Variants in SYN3 observed in about 807,000 individuals in gnomAD.
The protein encoded by SYN3 is synapsin-3.
A neutral mutation model predicts 65.8 loss-of-function variants in SYN3; 35 were observed. That is an observed-to-expected ratio of 0.53 (90% CI 0.41 to 0.70). SYN3 has a LOEUF of 0.70. Among genes scored for constraint, SYN3 ranks in the 30% least tolerant of loss-of-function variants. SYN3 has a pLI of 0.00. For synonymous variants in SYN3, 270 were observed against 292.9 expected (o/e 0.92, Z 0.80); for missense variants, 680 against 749.0 (o/e 0.91, Z 1.08).
intron 1 of SYN3, among the ~76,000 whole-genome samples, chr22:33,016,855 G>C (rs1024714260): frequency 1.3e-5 from 2 of 151,838 alleles, no homozygotes; most frequent in African/African-American, 4.8e-5. Context: ...TCTCTGGGTT[G>C]CATCTTTATT....
chr22:32,585,253 C>G (rs1056439072), intron 7 of SYN3, among the ~76,000 whole-genome samples: 2 of 152,152 alleles, frequency 1.3e-5, no homozygotes, highest in African/African-American at 4.8e-5. Flanking sequence ...GAAGCAGAGG[C>G]CCAGGGAAGT....
At chr22:32,694,471 TA>T (rs1472643298) in intron 6 of SYN3, among the ~76,000 whole-genome samples, 1 of 152,226 alleles carries the variant, frequency 6.6e-6, no homozygotes, top group African/African-American at 2.4e-5. Flanking sequence ...AAATTGATAA[TA>T]TTGATACAGT....
chr22:32,699,031 C>G (rs1427589284), intron 6 of SYN3, among the ~76,000 whole-genome samples: 1 of 152,224 alleles, frequency 6.6e-6, no homozygotes, highest in Non-Finnish European at 1.5e-5. Flanking sequence ...AACATCTGGA[C>G]TTACTCTCCA....
intron 6 of SYN3, among the ~76,000 whole-genome samples, chr22:32,675,530 C>CA (rs1425825422): frequency 6.6e-6 from 1 of 152,138 alleles, no homozygotes; most frequent in East Asian, 1.9e-4. Flanking sequence ...ATGCTGGAGA[C>CA]GTTATTAAAA....
intron 6 of SYN3, among the ~76,000 whole-genome samples, chr22:32,759,077 C>G (rs1411465125): frequency 6.6e-6 from 1 of 152,116 alleles, no homozygotes; most frequent in Non-Finnish European, 1.5e-5. Context: ...CAATATCTCT[C>G]TAAGTTCTTT....
intron 6 of SYN3, among the ~76,000 whole-genome samples, chr22:32,685,266 ACTT>A (rs1296920398): frequency 6.9e-6 from 1 of 145,760 alleles, no homozygotes; most frequent in Non-Finnish European, 1.5e-5. Flanking sequence ...TACCTGGAAA[ACTT>A]CTTCAAGGAG....
chr22:32,532,518 G>T (rs1303861474), intron 10 of SYN3, among the ~76,000 whole-genome samples: 7 of 152,304 alleles, frequency 4.6e-5, no homozygotes, highest in Non-Finnish European at 4.4e-5. Context: ...TCCAGAGTGG[G>T]ACTAGGTCTG....
chr22:32,674,840 C>G (rs370405648), intron 6 of SYN3, among the ~76,000 whole-genome samples: 3 of 152,190 alleles, frequency 2.0e-5, no homozygotes, highest in Non-Finnish European at 4.4e-5. Flanking sequence ...TAGATTGATA[C>G]GTTAACGTGT....
At chr22:32,805,088 T>C (rs1450306704) in intron 6 of SYN3, among the ~76,000 whole-genome samples, 2 of 152,130 alleles carry the variant, frequency 1.3e-5, no homozygotes, top group Admixed American at 6.5e-5. Flanking sequence ...TGAGGGGGGT[T>C]GCAGCAGAGA....
chr22:32,942,553 A>G (rs1311637932), intron 3 of SYN3, among the ~76,000 whole-genome samples: 2 of 152,236 alleles, frequency 1.3e-5, no homozygotes, highest in Non-Finnish European at 2.9e-5. Flanking sequence ...TCTCCTCCAA[A>G]GGAACGCAGC....
Position 33,045,354 on chromosome 22 carries a change from C to G in SYN3, c.-163+12938G>C, listed in dbSNP as rs144695798. ...AGCCACTTGAGGATAGAAACCTTGCCTGATTTATATTTAAATTCTCAACAT... is the reference window on the plus strand; with the variant it reads ...AGCCACTTGAGGATAGAAACCTTGCGTGATTTATATTTAAATTCTCAACAT... On this transcript the variant is annotated intron_variant, in intron 1 of 13. Coordinates refer to ENST00000358763, the MANE Select transcript of SYN3 (RefSeq NM_003490.4). Among the ~76,000 whole-genome samples, 420 of 151,974 alleles carry G rather than the reference C, an allele frequency of 2.8e-3. 5 individuals are homozygous for G. The highest frequency in any genetic ancestry group is 9.8e-3 in the African/African-American group (407 of 41,456).
intron 7 of SYN3, among the ~76,000 whole-genome samples, chr22:32,563,944 C>G (rs991584545): frequency 6.6e-6 from 1 of 152,158 alleles, no homozygotes; most frequent in Non-Finnish European, 1.5e-5. Context: ...GCTGGGATTA[C>G]AGGCATGAGC....
intron 12 of SYN3, among the ~76,000 whole-genome samples, chr22:32,521,604 G>A (rs1452854153): frequency 6.6e-6 from 1 of 151,788 alleles, no homozygotes; most frequent in Non-Finnish European, 1.5e-5. Flanking sequence ...CCGCCACCAC[G>A]CCCAGCTAAT....
At chr22:32,517,211 C>T (rs1021348688) in intron 13 of SYN3, among the ~76,000 whole-genome samples, 2 of 152,222 alleles carry the variant, frequency 1.3e-5, no homozygotes, top group African/African-American at 4.8e-5. Context: ...CTTGCTTTGA[C>T]TAAAAGCGTG....
At chr22:32,589,172 G>A (rs1281418383) in intron 7 of SYN3, among the ~76,000 whole-genome samples, 1 of 152,184 alleles carries the variant, frequency 6.6e-6, no homozygotes, top group Non-Finnish European at 1.5e-5. Flanking sequence ...CCTACCACTG[G>A]TTTGCTCTCT....
chr22:32,693,512 A>G (rs975023993), intron 6 of SYN3, among the ~76,000 whole-genome samples: 24 of 151,876 alleles, frequency 1.6e-4, no homozygotes, highest in African/African-American at 5.8e-4. Flanking sequence ...GAAAAGTAAA[A>G]CCGTAGATAA....
At position 32,667,069 on chromosome 22, in the gene SYN3, G is replaced by A. The variant is rs111553327; in HGVS notation, c.712-70333C>T. 6.5e-3 allele frequency among the ~76,000 whole-genome samples: 997 copies of A among 152,338 alleles called. 11 individuals are homozygous for A. Among genetic ancestry groups the A allele is most frequent in the African/African-American group, 0.023 (952 of 41,576 alleles). On this transcript the variant is annotated intron_variant, in intron 6 of 13. Transcript: ENST00000358763. ...ATCCTGGCTAACACAGTGAAACCCT[G>A]CTAAATTATGCCCCTTTTTGTTTTA...
At chr22:32,581,642 T>A (rs1031561420) in intron 7 of SYN3, among the ~76,000 whole-genome samples, 30 of 152,262 alleles carry the variant, frequency 2.0e-4, no homozygotes, top group African/African-American at 7.0e-4. Context: ...ATACCCTAAG[T>A]GGGTGGCTGT....
At chr22:32,987,695 G>C (rs948421763) in intron 2 of SYN3, among the ~76,000 whole-genome samples, 6 of 152,280 alleles carry the variant, frequency 3.9e-5, no homozygotes, top group African/African-American at 1.2e-4. Context: ...TTGCCTCTGA[G>C]AACAATAGAG....
Sources: gnomAD v4.1 joint callset for allele counts (sites outside exome capture counted in the v4.1 genomes callset) on GRCh38, gnomAD v4.1.1 for gene constraint, MANE v1.5 for transcripts, NCBI Gene and HGNC (gene_info 2026-07-23, HGNC 2026-07-21) for gene names.